Variants in ANAPC5 observed in about 807,000 individuals in gnomAD.
ANAPC5 encodes the protein anaphase promoting complex subunit 5, also known as anaphase-promoting complex subunit 5.
In ANAPC5, 60 loss-of-function variants were observed where a neutral mutation model predicts 91.3. The observed-to-expected ratio is 0.66, with a 90% CI of 0.53 to 0.81. The LOEUF (loss-of-function observed/expected upper bound fraction) is 0.81, where lower values mean the gene tolerates loss of function less well. Among genes scored for constraint, ANAPC5 ranks in the 40% least tolerant of loss-of-function variants. ANAPC5 has a pLI of 0.00. For synonymous variants in ANAPC5, 340 were observed against 364.1 expected, an observed-to-expected ratio of 0.93 and a Z score of 0.75; for missense variants, 690 against 931.5, an observed-to-expected ratio of 0.74 and a Z score of 3.37.
chr12:121,311,631 G>A (rs1395277192), intron 15 of ANAPC5, among the ~76,000 whole-genome samples: 1 of 152,090 alleles, frequency 6.6e-6, no homozygotes, highest in African/African-American at 2.4e-5. Context: ...CCAGGAGTTT[G>A]AGACCAGCCT....
In ANAPC5 at chr12:121,318,501, C is replaced by CT. The variant is rs1902462026; in HGVS notation, c.1744dup (p.Ser582LysfsTer41). ...GTGAGATGTACAAGAGACCCCTTAC[C>CT]TGATCACCATTTCTGTGTTCTTCAG... On this transcript the variant is annotated frameshift_variant and splice_region_variant, in exon 14 of 17. Coordinates refer to ENST00000261819, the MANE Select transcript of ANAPC5 (RefSeq NM_016237.5). LOFTEE classifies it high-confidence loss of function. 5 of 1,614,142 alleles carry CT rather than the reference C, an allele frequency of 3.1e-6. No individual in the cohort carries two copies. Among genetic ancestry groups the CT allele is most frequent in the Non-Finnish European group, 4.2e-6 (5 of 1,179,992 alleles).
rs556145445 is a variant in ANAPC5 at position 121,348,016 on chromosome 12, T to A, written c.208-135A>T. On this transcript the variant is annotated intron_variant, in intron 1 of 16. Transcript: ENST00000261819. The stretch of plus-strand genomic sequence containing the variant: ...ACATGCAAATAAGGATTTTTCTATC[T>A]ACCTAAAACACTAAAGTAATACTTC... 2.5e-5 allele frequency: 16 copies of A among 639,408 alleles called. No individual in the cohort carries two copies. The African/African-American group carries it at 2.8e-4, about 11-fold the overall frequency. The allele number at this position is 639,408 out of a possible 1,614,324, so 39.6% of individuals were successfully genotyped here.
intron 1 of ANAPC5, among the ~76,000 whole-genome samples, chr12:121,349,855 C>T (rs1203763989): frequency 1.3e-5 from 2 of 151,424 alleles, no homozygotes; most frequent in Non-Finnish European, 2.9e-5. Context: ...TACAGGCGCA[C>T]ATCACAATGC....
chr12:121,317,494 T>G (rs1041244631), intron 15 of ANAPC5, among the ~76,000 whole-genome samples: 22 of 152,010 alleles, frequency 1.4e-4, no homozygotes, highest in Non-Finnish European at 3.1e-4. Context: ...CCTTGTGATC[T>G]GCCCACCTCA....
intron 13 of ANAPC5, among the ~76,000 whole-genome samples, chr12:121,319,318 C>T (rs558977868): frequency 1.2e-4 from 18 of 151,718 alleles, no homozygotes; most frequent in Non-Finnish European, 2.1e-4. Flanking sequence ...CTGCAACCTC[C>T]GCCTCATGGG....
At chr12:121,353,575 G>C (rs1555275740), upstream of ANAPC5, among the ~76,000 whole-genome samples, 1 of 151,966 alleles carries the variant, frequency 6.6e-6, no homozygotes, top group African/African-American at 2.4e-5. Flanking sequence ...CGAGTAGCTG[G>C]GACTACAGGC....
chr12:121,320,444 C>T lies in ANAPC5; in HGVS notation c.1456G>A (p.Ala486Thr), dbSNP rs1423917373. 1.2e-6 allele frequency: 2 copies of T among 1,613,702 alleles called. No individual in the cohort carries two copies. Among genetic ancestry groups the T allele is most frequent in the Non-Finnish European group, 1.7e-6 (2 of 1,179,756 alleles). Residue 486 changes from alanine (A) to threonine (T), a missense_variant, in exon 12 of 17, where the codon GCT (alanine) becomes ACT (threonine). Around this residue, in one of 5 missense-constraint regions of ANAPC5, gnomAD observed 317 missense variants for 438.7 expected, o/e 0.72. Coordinates refer to ENST00000261819, the MANE Select transcript of ANAPC5 (RefSeq NM_016237.5). ...LHAEQGCFAA[A>T]SEVLKHLKER... The stretch of plus-strand genomic sequence containing the variant: ...TTCAAGTGCTTTAACACTTCAGAAG[C>T]TGCAGCAAAACAGCCCTAAAGTAGA...
chr12:121,353,780 C>A (rs143113420), upstream of ANAPC5, among the ~76,000 whole-genome samples: 1,064 of 151,608 alleles, frequency 7.0e-3, 10 homozygotes, highest in African/African-American at 0.023. Context: ...ATTATACTTT[C>A]TCTCTCTCTC....
At chr12:121,345,153 G>T (rs1387993774) in intron 4 of ANAPC5, among the ~76,000 whole-genome samples, 1 of 152,160 alleles carries the variant, frequency 6.6e-6, no homozygotes, top group Non-Finnish European at 1.5e-5. Flanking sequence ...AGGGACTGGG[G>T]TGAAGGACAG....
chr12:121,320,205 A>C (rs1427541180), intron 12 of ANAPC5, among the ~76,000 whole-genome samples, 180 bp downstream of exon 12: 1 of 152,208 alleles, frequency 6.6e-6, no homozygotes, highest in Non-Finnish European at 1.5e-5. Flanking sequence ...TAAACAACAT[A>C]GAGTATGAGC....
chr12:121,330,144 T>C (rs534358988), intron 9 of ANAPC5, among the ~76,000 whole-genome samples: 2 of 152,330 alleles, frequency 1.3e-5, no homozygotes, highest in Admixed American at 6.5e-5. Context: ...TTCTTCTCTG[T>C]TGTTGATTTT....
In ANAPC5 at chr12:121,320,663, C is replaced by T. The variant is rs1429121611; in HGVS notation, c.1441-204G>A. The T allele has an allele frequency of 1.6e-5, 6 of 371,214 alleles. No homozygotes were observed. The South Asian group carries it at 1.9e-4, about 12-fold the overall frequency. 23.0% of individuals were successfully genotyped at this position (371,214 alleles called of 1,614,324 possible). A position where few individuals can be genotyped will look rare whatever the true frequency, so the allele number is the denominator to read the frequency against. Reference sequence around the variant, plus strand: ...CTGTAGCCCTGCTGGAGTGCAGTGGCGCGATCTCGGCTCATTGCAAGCTCC... The same window carrying T: ...CTGTAGCCCTGCTGGAGTGCAGTGGTGCGATCTCGGCTCATTGCAAGCTCC... On this transcript the variant is annotated intron_variant, in intron 11 of 16. Transcript: ENST00000261819.
chr12:121,345,151 G>C (rs1903612981), intron 4 of ANAPC5, among the ~76,000 whole-genome samples: 3 of 152,188 alleles, frequency 2.0e-5, no homozygotes, highest in Admixed American at 2.0e-4. Flanking sequence ...TGAGGGACTG[G>C]GGTGAAGGAC....
In ANAPC5 at chr12:121,346,888, T is replaced by A. The variant is rs1903687283; in HGVS notation, c.397+8A>T. 3 of 1,567,162 alleles carry A rather than the reference T, an allele frequency of 1.9e-6. No homozygotes were observed. The highest frequency in any genetic ancestry group is 2.6e-6 in the Non-Finnish European group (3 of 1,152,978). On this transcript the variant is annotated splice_region_variant and intron_variant, in intron 3 of 16. Coordinates refer to ENST00000261819, the MANE Select transcript of ANAPC5 (RefSeq NM_016237.5). Reference sequence around the variant, plus strand: ...ATACTCTCTGCTCTTCTTAGAAGAGTTTCATACCTACTACACTTGTTTTGT... The same window carrying A: ...ATACTCTCTGCTCTTCTTAGAAGAGATTCATACCTACTACACTTGTTTTGT...
rs1555274615 is a variant in ANAPC5 at position 121,345,883 on chromosome 12, C to T, written c.546G>A (p.Glu182=). ...DADMELTSRD[E]GERKMEKEEL... ...CTTCTTTTTCCATTTTTCTTTCACCCTCATCTCTACTGGTCAGTTCCATAT... is the reference window on the plus strand; with the variant it reads ...CTTCTTTTTCCATTTTTCTTTCACCTTCATCTCTACTGGTCAGTTCCATAT... The change falls in exon 4 of 17, where the codon GAG becomes GAA. Residue 182 remains glutamate, a synonymous_variant. Transcript: ENST00000261819. 1.9e-6 allele frequency: 3 copies of T among 1,613,846 alleles called. No homozygotes were observed. The highest frequency in any genetic ancestry group is 2.5e-6 in the Non-Finnish European group (3 of 1,179,950).
chr12:121,351,949 G>T (rs1555275425), intron 1 of ANAPC5, among the ~76,000 whole-genome samples, 185 bp downstream of exon 1: 2 of 151,884 alleles, frequency 1.3e-5, no homozygotes, highest in Non-Finnish European at 2.9e-5. Flanking sequence ...CATGTAAAGC[G>T]CCTGGCCCAC....
rs1037049970 is a variant in ANAPC5 at position 121,330,789 on chromosome 12, A to G, written c.1033-117T>C. 5.1e-5 allele frequency: 38 copies of G among 741,794 alleles called. 1 individual carries two copies. The South Asian group carries it at 6.4e-4, about 12-fold the overall frequency. The allele number at this position is 741,794 out of a possible 1,614,324, so 46.0% of individuals were successfully genotyped here. A position where few individuals can be genotyped will look rare whatever the true frequency, so the allele number is the denominator to read the frequency against. Reference sequence around the variant, plus strand: ...AGGGACAAAATGAATCCTCTCAAATACTCTTTCAAGAAATATCAAGAATCT... The same window carrying G: ...AGGGACAAAATGAATCCTCTCAAATGCTCTTTCAAGAAATATCAAGAATCT... On this transcript the variant is annotated intron_variant, in intron 8 of 16. Transcript: ENST00000261819.
Position 121,316,401 on chromosome 12 carries a change from T to C in ANAPC5, c.1893+1876A>G, listed in dbSNP as rs368024007. Among the ~76,000 whole-genome samples the C allele has an allele frequency of 3.9e-5, 6 of 152,254 alleles. No homozygotes were observed. The East Asian group carries it at 5.8e-4, about 15-fold the overall frequency. ...CCTTAAGAAGTTAAACACAAAATTA[T>C]CATGACTCAGCAATTCCGTTCGTAG... is the stretch of plus-strand genomic sequence containing the variant. On this transcript the variant is annotated intron_variant, in intron 15 of 16. Coordinates refer to ENST00000261819, the MANE Select transcript of ANAPC5 (RefSeq NM_016237.5).
chr12:121,342,185 C>T lies in ANAPC5; in HGVS notation c.591-116G>A. 1.4e-6 allele frequency: 1 copy of T among 715,524 alleles called. No homozygotes were observed. Among genetic ancestry groups the T allele is most frequent in the East Asian group, 2.7e-5 (1 of 36,498 alleles). The allele number at this position is 715,524 out of a possible 1,614,324, so 44.3% of individuals were successfully genotyped here. A position where few individuals can be genotyped will look rare whatever the true frequency, so the allele number is the denominator to read the frequency against. ...AGAGTTCAAAAAATTTAACTCTCTC[C>T]TCAGAACTAGGAAAGAAAAACATAA... On this transcript the variant is annotated intron_variant, in intron 4 of 16. Coordinates refer to ENST00000261819, the MANE Select transcript of ANAPC5 (RefSeq NM_016237.5). The surrounding 1 kb of genome is among the most constrained non-coding windows in gnomAD (Gnocchi z 4.1).
Sources: allele counts gnomAD v4.1 joint callset (sites outside exome capture counted in the v4.1 genomes callset), GRCh38; gene constraint gnomAD v4.1.1; regional missense constraint gnomAD v4.1.1; non-coding constraint Gnocchi (gnomAD v3.1); transcripts MANE v1.5; gene names NCBI Gene and HGNC (gene_info 2026-07-23, HGNC 2026-07-21).